The following CENPC variants were observed in gnomAD, a reference collection of about 807,000 sequenced individuals.
The protein encoded by CENPC is centromere protein C, also known as CENP-C 1.
A neutral mutation model predicts 112.1 loss-of-function variants in CENPC; 63 were observed. That is an observed-to-expected ratio of 0.56 (90% CI 0.46 to 0.69). The LOEUF is 0.69. Among genes scored for constraint, CENPC ranks in the 30% least tolerant of loss-of-function variants. The pLI is 0.00. For synonymous variants in CENPC, 333 were observed against 367.6 expected, an observed-to-expected ratio of 0.91 and a Z score of 1.08; for missense variants, 1,000 against 1,103.8, an observed-to-expected ratio of 0.91 and a Z score of 1.33.
Position 67,492,268 on chromosome 4 carries a change from G to A in CENPC, c.2427C>T (p.Asn809=). 1 of 1,552,198 alleles carries A rather than the reference G, an allele frequency of 6.4e-7. No individual in the cohort carries two copies. Among genetic ancestry groups the A allele is most frequent in the Non-Finnish European group, 8.7e-7 (1 of 1,144,478 alleles). The change falls in exon 16 of 19, where the codon AAC becomes AAT. Residue 809 remains asparagine, a synonymous_variant. Coordinates refer to ENST00000273853, the MANE Select transcript of CENPC (RefSeq NM_001812.4). Reference sequence around the variant, plus strand: ...GAGGTATACCTAGATTTACCATTAAGTTAGTCTCTGCAAAAGAAATACCAT... The same window carrying A: ...GAGGTATACCTAGATTTACCATTAAATTAGTCTCTGCAAAAGAAATACCAT... ...ICLDNDERKT[N]LMVNLGIPLG... is the part of the protein sequence containing the mutation.
intron 15 of CENPC, 107 bp downstream of exon 15, chr4:67,492,762 T>A: frequency 7.3e-7 from 1 of 1,365,530 alleles, no homozygotes. Context: ...TATGGTATTA[T>A]TTCTGAAGTT....
intron 7 of CENPC, among the ~76,000 whole-genome samples, chr4:67,516,808 T>C (rs1467942302): frequency 6.6e-6 from 1 of 151,940 alleles, no homozygotes; most frequent in Non-Finnish European, 1.5e-5. Context: ...AGGCTAGATC[T>C]TGGAGGATTT....
At chr4:67,476,118 A>T (rs954250672) in intron 17 of CENPC, among the ~76,000 whole-genome samples, 2 of 152,226 alleles carry the variant, frequency 1.3e-5, no homozygotes, top group African/African-American at 4.8e-5. Context: ...AGTCACATAA[A>T]AGTATAGCAC....
chr4:67,508,235 T>G (rs967351296), intron 10 of CENPC, among the ~76,000 whole-genome samples: 3 of 152,170 alleles, frequency 2.0e-5, no homozygotes, highest in Non-Finnish European at 4.4e-5. Flanking sequence ...TTATGTTATG[T>G]GTTTTTTGTC....
Position 67,471,642 on chromosome 4 carries a change from AGTTGCTT to A in CENPC, c.*956_*962del, listed in dbSNP as rs1482518955. Reference sequence around the variant, plus strand: ...TCATTCTTCCTAAGTCCTACACCAGAGTTGCTTTAAATGTGTGTATTTAATGGTTAAA... The same window carrying A: ...TCATTCTTCCTAAGTCCTACACCAGATAAATGTGTGTATTTAATGGTTAAA... On this transcript the variant is annotated 3_prime_UTR_variant, in exon 19 of 19. Transcript: ENST00000273853. 6.6e-6 allele frequency: 1 copy of A among 152,210 alleles called. No individual in the cohort carries two copies. Among genetic ancestry groups the A allele is most frequent in the Non-Finnish European group, 1.5e-5 (1 of 68,032 alleles). The allele number at this position is 152,210 out of a possible 1,614,324, so 9.4% of individuals were successfully genotyped here.
At chr4:67,545,307 C>G (rs1726999347) in intron 1 of CENPC, 31 bp downstream of exon 1, 1 of 1,463,760 alleles carries the variant, frequency 6.8e-7, no homozygotes, top group African/African-American at 1.4e-5. Context: ...GCCGCTCAAC[C>G]ACTCGCCTGG....
chr4:67,498,205 A>G (rs1388867215), intron 12 of CENPC, among the ~76,000 whole-genome samples: 2 of 152,202 alleles, frequency 1.3e-5, no homozygotes, highest in Non-Finnish European at 2.9e-5. Flanking sequence ...ACTGCACTCC[A>G]GCCTGGGTAT....
intron 5 of CENPC, among the ~76,000 whole-genome samples, chr4:67,524,900 G>A (rs913863886): frequency 6.6e-6 from 1 of 152,114 alleles, no homozygotes; most frequent in African/African-American, 2.4e-5. Context: ...CAAAGTGGAA[G>A]GCATCACACT....
At position 67,534,045 on chromosome 4, in the gene CENPC, G is replaced by C. The variant is rs564824781; in HGVS notation, c.232-3131C>G. Among the ~76,000 whole-genome samples, 95 of 151,838 alleles carry C rather than the reference G, an allele frequency of 6.3e-4. 1 individual carries two copies. In the South Asian group the frequency reaches 0.017, roughly 28 times the overall value. Reference sequence around the variant, plus strand: ...AGACCCTGTCTCAAAAAAAAGAAGAGGCATGCAAACAGAGGGTGTTAAAAG... The same window carrying C: ...AGACCCTGTCTCAAAAAAAAGAAGACGCATGCAAACAGAGGGTGTTAAAAG... On this transcript the variant is annotated intron_variant, in intron 4 of 18. Coordinates refer to ENST00000273853, the MANE Select transcript of CENPC (RefSeq NM_001812.4).
intron 12 of CENPC, among the ~76,000 whole-genome samples, chr4:67,495,445 T>G (rs528640176): frequency 6.6e-6 from 1 of 152,332 alleles, no homozygotes; most frequent in East Asian, 1.9e-4. Flanking sequence ...CCACCTTATT[T>G]TGTGGTTGTT....
At position 67,509,096 on chromosome 4, in the gene CENPC, T is replaced by C. The variant is rs748701499; in HGVS notation, c.1622A>G (p.Tyr541Cys). The change falls in exon 10 of 19, where the codon TAT (tyrosine) becomes TGT (cysteine). Residue 541 changes from tyrosine to cysteine, a missense_variant. Tyr to Cys is a radical substitution (Grantham distance 194, BLOSUM62 -2). Transcript: ENST00000273853. ...TTCATTTCTTACTGAAGAATTGCTATAAACAGGACCTGAAGGATTCAATGA... is the reference window on the plus strand; with the variant it reads ...TTCATTTCTTACTGAAGAATTGCTACAAACAGGACCTGAAGGATTCAATGA... ...WVVKSEESPV[Y>C]SNSSVRNELP... is the part of the protein sequence containing the mutation. The C allele has an allele frequency of 2.9e-5, 47 of 1,605,188 alleles. No homozygotes were observed. In the South Asian group the frequency reaches 4.3e-4, roughly 15 times the overall value.
intron 17 of CENPC, among the ~76,000 whole-genome samples, chr4:67,479,676 A>G (rs1336118524): frequency 1.3e-5 from 2 of 152,178 alleles, no homozygotes. Context: ...AGAGAAATAA[A>G]AACAAACAAA....
intron 5 of CENPC, among the ~76,000 whole-genome samples, 157 bp from the exon 6 acceptor site, chr4:67,519,659 A>T (rs1321462755): frequency 1.3e-5 from 2 of 152,134 alleles, no homozygotes; most frequent in East Asian, 3.9e-4. Context: ...TAAAATAAGT[A>T]AGTACTTAAG....
At chr4:67,520,245 G>A (rs1390028575) in intron 5 of CENPC, among the ~76,000 whole-genome samples, 2 of 152,128 alleles carry the variant, frequency 1.3e-5, no homozygotes, top group African/African-American at 4.8e-5. Flanking sequence ...CAAAGCCCTG[G>A]GCTGTGCTAT....
At chr4:67,477,514 C>T (rs1465118153) in intron 17 of CENPC, among the ~76,000 whole-genome samples, 1 of 152,200 alleles carries the variant, frequency 6.6e-6, no homozygotes. Context: ...GAGAGCACCA[C>T]ATCAAGGGAT....
At position 67,492,928 on chromosome 4, in the gene CENPC, A is replaced by G. The variant is rs758857502; in HGVS notation, c.2360T>C (p.Ile787Thr). 40 of 1,564,522 alleles carry G rather than the reference A, an allele frequency of 2.6e-5. No individual in the cohort carries two copies. The highest frequency in any genetic ancestry group is 3.8e-5 in the Admixed American group (2 of 52,534). Residue 787 changes from isoleucine (I) to threonine (T), a missense_variant, in exon 15 of 19, where the codon ATT (isoleucine) becomes ACT (threonine). Transcript: ENST00000273853. ...ATTAGATTTTTTGTTGACTTTTCCA[A>G]TATTTTCTTTTGCCTTCCTTTTAGA... ...ISSKRKAKEN[I>T]GKVNKKSNKK... is the part of the protein sequence containing the mutation.
At chr4:67,510,771 A>G in intron 9 of CENPC, 1 of 321,718 alleles carries the variant, frequency 3.1e-6, no homozygotes, top group South Asian at 2.7e-5. Flanking sequence ...GGGGCAGGTC[A>G]AGTTGTTCTT....
rs749863702 is a variant in CENPC at position 67,518,205 on chromosome 4, T to C, written c.781A>G (p.Ser261Gly). Residue 261 changes from serine to glycine, a missense_variant, in exon 7 of 19, where the codon AGT (serine) becomes GGT (glycine). Transcript: ENST00000273853. ...EYEIQRQAKKSFSTLFLETVK... is the reference protein window; with the variant it reads ...EYEIQRQAKKGFSTLFLETVK... ...GTTTCTAAAAACAATGTTGAAAAAC[T>C]TTTTTTAGCTTGTCGTTGAATTTCA... 3.9e-6 allele frequency: 6 copies of C among 1,555,764 alleles called. No individual in the cohort carries two copies. The highest frequency in any genetic ancestry group is 1.2e-5 in the South Asian group (1 of 83,000).
At position 67,545,403 on chromosome 4, in the gene CENPC, A is replaced by T; in HGVS notation, c.-48T>A. 6.7e-7 allele frequency: 1 copy of T among 1,483,132 alleles called. No individual in the cohort carries two copies. The highest frequency in any genetic ancestry group is 9.0e-7 in the Non-Finnish European group (1 of 1,112,144). 91.9% of individuals were successfully genotyped at this position (1,483,132 alleles called of 1,614,324 possible). On this transcript the variant is annotated 5_prime_UTR_variant, in exon 1 of 19. Transcript: ENST00000273853. ...GCAACTGTCTGAGGTGGAAGCCCAC[A>T]CGGACCACAGCTCCAGGAAGCCGAG...
Sources: allele counts gnomAD v4.1 joint callset (sites outside exome capture counted in the v4.1 genomes callset), GRCh38; gene constraint gnomAD v4.1.1; transcripts MANE v1.5; gene names NCBI Gene and HGNC (gene_info 2026-07-23, HGNC 2026-07-21).